NCKAP5: variants seen among roughly 807,000 people sequenced by gnomAD.
NCKAP5 encodes the protein nck-associated protein 5.
A neutral mutation model predicts 167.0 loss-of-function variants in NCKAP5; 92 were observed. That is an observed-to-expected ratio of 0.55 (90% CI 0.47 to 0.66). The LOEUF is 0.66. Among genes scored for constraint, NCKAP5 ranks in the 30% least tolerant of loss-of-function variants. The pLI, the probability that NCKAP5 is intolerant of heterozygous loss-of-function variation, is 0.00. For synonymous variants in NCKAP5, 891 were observed against 877.4 expected (o/e 1.02, Z -0.27); for missense variants, 2,378 against 2,315.0 (o/e 1.03, Z -0.56).
rs116247226 is a variant in NCKAP5 at position 132,910,715 on chromosome 2, T to C, written c.580-31799A>G. 8.6e-3 allele frequency among the ~76,000 whole-genome samples: 1,312 copies of C among 152,362 alleles called. 6 individuals carry two copies. The highest frequency in any genetic ancestry group is 0.03 in the African/African-American group (1,233 of 41,592). On this transcript the variant is annotated intron_variant, in intron 8 of 19. Coordinates refer to ENST00000409261, the MANE Select transcript of NCKAP5 (RefSeq NM_207363.3). ...CCCAAATCTTAGCTATTGACTACTA[T>C]GCTACATTGCAATTCATTTTTTTCT...
At chr2:132,868,677 G>A (rs76935750) in intron 10 of NCKAP5, among the ~76,000 whole-genome samples, 1 of 152,230 alleles carries the variant, frequency 6.6e-6, no homozygotes, top group East Asian at 1.9e-4. Context: ...AAAAATGGTG[G>A]GTTTGCTACT....
chr2:133,586,751 TCACACACA>T, the NCKAP5 span, among the ~76,000 whole-genome samples: 30,021 of 140,866 alleles, frequency 0.21, 3,412 homozygotes, highest in Non-Finnish European at 0.27. Context: ...GACAGCAATA[TCACACACA>T]CACACACACA....
Position 133,345,581 on chromosome 2 carries a change from T to G in NCKAP5, c.70-42471A>C, listed in dbSNP as rs565574252. Among the ~76,000 whole-genome samples, 9 of 152,194 alleles carry G rather than the reference T, an allele frequency of 5.9e-5. No individual in the cohort carries two copies. In the East Asian group the frequency reaches 1.5e-3, roughly 26 times the overall value. The stretch of plus-strand genomic sequence containing the variant: ...TGATTCTAGTTTAATTGTTGTGCAG[T>G]GGTGAAAAGTATGGATTTCTTTTAA... On this transcript the variant is annotated intron_variant, in intron 3 of 19. Coordinates refer to ENST00000409261, the MANE Select transcript of NCKAP5 (RefSeq NM_207363.3).
intron 5 of NCKAP5, among the ~76,000 whole-genome samples, chr2:133,144,980 C>T (rs2083135628): frequency 6.6e-6 from 1 of 152,106 alleles, no homozygotes; most frequent in African/African-American, 2.4e-5. Context: ...AATATACATA[C>T]AGGTAGATGA....
intron 4 of NCKAP5, among the ~76,000 whole-genome samples, chr2:133,232,878 T>C (rs2087216936): frequency 6.6e-6 from 1 of 152,188 alleles, no homozygotes; most frequent in African/African-American, 2.4e-5. Context: ...GATAAGAATA[T>C]ACCTCAATGG....
chr2:132,997,082 G>T (rs2077625374), intron 6 of NCKAP5, among the ~76,000 whole-genome samples: 1 of 152,194 alleles, frequency 6.6e-6, no homozygotes. Flanking sequence ...CAAATTAAGG[G>T]CTCTAGGAGA....
intron 19 of NCKAP5, among the ~76,000 whole-genome samples, chr2:132,705,878 A>G (rs1027978623): frequency 2.0e-5 from 3 of 152,146 alleles, no homozygotes; most frequent in Non-Finnish European, 4.4e-5. Flanking sequence ...CAGAATTGGG[A>G]TTAGAATCTA....
intron 5 of NCKAP5, among the ~76,000 whole-genome samples, chr2:133,161,129 C>T (rs950331604): frequency 2.6e-5 from 4 of 152,132 alleles, no homozygotes; most frequent in Non-Finnish European, 2.9e-5. Flanking sequence ...ATCTAGGTTG[C>T]ACCCTCCTTA....
chr2:133,508,136 A>G (rs75149471), intron 3 of NCKAP5, among the ~76,000 whole-genome samples: 2,156 of 152,274 alleles, frequency 0.014, 32 homozygotes, highest in Non-Finnish European at 0.023. Context: ...TTAGGACAAT[A>G]ATTCAAGATT....
the NCKAP5 span, among the ~76,000 whole-genome samples, chr2:133,578,560 A>G: frequency 6.6e-6 from 1 of 152,158 alleles, no homozygotes; most frequent in South Asian, 2.1e-4. Flanking sequence ...AAACGCCAAG[A>G]AATCCCAGAC....
the NCKAP5 span, among the ~76,000 whole-genome samples, chr2:133,632,313 G>GA: frequency 6.6e-6 from 1 of 152,172 alleles, no homozygotes; most frequent in South Asian, 2.1e-4. Context: ...AGTTAAAGAA[G>GA]AAAAAAACAG....
chr2:133,051,825 A>G (rs896251802), intron 6 of NCKAP5, among the ~76,000 whole-genome samples: 1 of 152,230 alleles, frequency 6.6e-6, no homozygotes, highest in African/African-American at 2.4e-5. Context: ...CAATACATAT[A>G]TGTAGAATGC....
At chr2:133,320,304 G>A (rs1681938948) in intron 3 of NCKAP5, among the ~76,000 whole-genome samples, 1 of 152,150 alleles carries the variant, frequency 6.6e-6, no homozygotes, top group Admixed American at 6.5e-5. Flanking sequence ...ACAATTTGGA[G>A]ATAATTTGGA....
intron 4 of NCKAP5, among the ~76,000 whole-genome samples, chr2:133,224,627 T>A (rs1248018054): frequency 6.6e-6 from 1 of 152,226 alleles, no homozygotes; most frequent in Non-Finnish European, 1.5e-5. Context: ...GAATAATATA[T>A]GCTTTCATCC....
intron 5 of NCKAP5, among the ~76,000 whole-genome samples, chr2:133,210,079 C>T (rs1285864936): frequency 2.0e-5 from 3 of 151,486 alleles, no homozygotes; most frequent in African/African-American, 4.9e-5. Flanking sequence ...GCAAGAGCAT[C>T]GCTTCAACCA....
intron 9 of NCKAP5, among the ~76,000 whole-genome samples, chr2:132,872,415 T>C (rs961744900): frequency 6.6e-6 from 1 of 152,192 alleles, no homozygotes; most frequent in Non-Finnish European, 1.5e-5. Flanking sequence ...GATTCCTCCA[T>C]GCACTCTCTT....
rs562250478 is a variant in NCKAP5, at chr2:132,896,398, T to TCC, written c.580-17483_580-17482insGG. Among the ~76,000 whole-genome samples the TCC allele has an allele frequency of 3.9e-4, 59 of 152,354 alleles. No individual in the cohort carries two copies. In the East Asian group the frequency reaches 0.01, roughly 26 times the overall value. On this transcript the variant is annotated intron_variant, in intron 8 of 19. Transcript: ENST00000409261. ...CACTAACAGATTCATACACCACCCTTGTTCCTCTCCTTCTAGCTTTTAAAA... is the reference window on the plus strand; with the variant it reads ...CACTAACAGATTCATACACCACCCTTCCGTTCCTCTCCTTCTAGCTTTTAAAA...
At chr2:133,440,368 A>G (rs1690757357) in intron 3 of NCKAP5, among the ~76,000 whole-genome samples, 2 of 152,100 alleles carry the variant, frequency 1.3e-5, no homozygotes, top group Non-Finnish European at 2.9e-5. Context: ...ATGCAGTAGG[A>G]GCTCCATCCA....
intron 16 of NCKAP5, among the ~76,000 whole-genome samples, chr2:132,755,291 C>A (rs1680441064): frequency 6.6e-6 from 1 of 152,136 alleles, no homozygotes; most frequent in South Asian, 2.1e-4. Flanking sequence ...GAGGGCATCC[C>A]CTGCTTGAGA....
Sources: gnomAD v4.1 joint callset for allele counts (sites outside exome capture counted in the v4.1 genomes callset) on GRCh38, gnomAD v4.1.1 for gene constraint, MANE v1.5 for transcripts, NCBI Gene and HGNC (gene_info 2026-07-23, HGNC 2026-07-21) for gene names.